XPO7: variants seen among roughly 807,000 people sequenced by gnomAD.
The protein encoded by XPO7 is exportin 7, also known as exportin-7.
XPO7 carries 21 observed loss-of-function variants against 144.3 expected under a neutral mutation model. The observed-to-expected ratio is 0.15, with a 90% confidence interval of 0.10 to 0.21. The LOEUF is 0.21. Ranked by LOEUF, XPO7 falls within the 10% of genes least tolerant of loss-of-function variation. The pLI is 1.00. For synonymous variants in XPO7, 580 were observed against 499.6 expected, an observed-to-expected ratio of 1.16 and a Z score of -2.15; for missense variants, 808 against 1,325.8, an observed-to-expected ratio of 0.61 and a Z score of 6.06.
chr8:21,990,482 T>G, intron 17 of XPO7, 75 bp downstream of exon 17: 1 of 1,537,664 alleles, frequency 6.5e-7, no homozygotes, highest in South Asian at 1.1e-5. Flanking sequence ...AAAGGAGATA[T>G]GTAAACTGAG....
At chr8:21,952,371 T>C (rs895155542) in intron 1 of XPO7, among the ~76,000 whole-genome samples, 1 of 152,098 alleles carries the variant, frequency 6.6e-6, no homozygotes, top group Non-Finnish European at 1.5e-5. Context: ...AGAAAATGTT[T>C]TCAACTGTTG....
chr8:21,982,533 T>C, intron 10 of XPO7, 107 bp from the exon 11 acceptor site: 2 of 1,292,216 alleles, frequency 1.5e-6, no homozygotes, highest in South Asian at 1.6e-5. Flanking sequence ...AAGTCTATCC[T>C]CTTTTTTTAA....
chr8:21,924,903 C>T (rs1190047133), intron 1 of XPO7, among the ~76,000 whole-genome samples: 3 of 152,114 alleles, frequency 2.0e-5, no homozygotes, highest in African/African-American at 7.2e-5. Flanking sequence ...ACCACTTAAG[C>T]ATCTACTAAT....
At chr8:21,987,976 A>T (rs1812637125) in intron 15 of XPO7, 119 bp downstream of exon 15, 1 of 1,099,590 alleles carries the variant, frequency 9.1e-7, no homozygotes, top group South Asian at 1.6e-5. Flanking sequence ...TTTGCGTCAG[A>T]AAATTGTGCA....
intron 1 of XPO7, chr8:21,966,098 A>G (rs1435421033): frequency 1.7e-6 from 1 of 582,044 alleles, no homozygotes; most frequent in East Asian, 2.8e-5. Context: ...ACCAAAGCAC[A>G]CACCCATACC....
At chr8:21,995,693 TAA>T (rs1812924194) in intron 21 of XPO7, 94 bp downstream of exon 21, 1 of 932,410 alleles carries the variant, frequency 1.1e-6, no homozygotes. Flanking sequence ...TGGGAAATAA[TAA>T]GATTCACTAC....
At chr8:21,988,710 AC>A (rs1229088576) in intron 15 of XPO7, 1 of 378,380 alleles carries the variant, frequency 2.6e-6, no homozygotes, top group Non-Finnish European at 4.9e-6. Flanking sequence ...GAAATCTCTT[AC>A]CCTTGCTGCA....
intron 1 of XPO7, among the ~76,000 whole-genome samples, chr8:21,965,170 G>A (rs1468430218): frequency 6.7e-6 from 1 of 148,772 alleles, no homozygotes; most frequent in African/African-American, 2.5e-5. Context: ...GAATCATTTT[G>A]TAGGAGGGGG....
chr8:21,951,741 T>A (rs1449592232), intron 1 of XPO7, among the ~76,000 whole-genome samples: 1 of 152,236 alleles, frequency 6.6e-6, no homozygotes, highest in Non-Finnish European at 1.5e-5. Context: ...GTCTCCCAAC[T>A]ATTGCTAAGG....
intron 20 of XPO7, 92 bp downstream of exon 20, chr8:21,994,543 AG>A: frequency 2.5e-6 from 3 of 1,179,034 alleles, no homozygotes; most frequent in Non-Finnish European, 1.2e-6. Flanking sequence ...GGGGGAAGGG[AG>A]GGTAGTGAGG....
intron 1 of XPO7, among the ~76,000 whole-genome samples, chr8:21,942,430 A>C (rs62492076): frequency 0.089 from 13,546 of 152,256 alleles, 807 homozygotes; most frequent in Non-Finnish European, 0.13. Flanking sequence ...CAAAGCACAA[A>C]ATTTTAGTAA....
At chr8:21,958,830 G>A (rs1015377883) in intron 1 of XPO7, among the ~76,000 whole-genome samples, 3 of 152,000 alleles carry the variant, frequency 2.0e-5, no homozygotes, top group South Asian at 2.1e-4. Context: ...ACATGGTGGC[G>A]CACACCTGTA....
chr8:21,944,470 G>A (rs925503824), intron 1 of XPO7, among the ~76,000 whole-genome samples: 1 of 152,114 alleles, frequency 6.6e-6, no homozygotes, highest in South Asian at 2.1e-4. Flanking sequence ...GGGAGGCTGA[G>A]ACTGGAGAAT....
At chr8:21,944,873 C>T (rs971289540) in intron 1 of XPO7, among the ~76,000 whole-genome samples, 35 of 152,116 alleles carry the variant, frequency 2.3e-4, no homozygotes, top group African/African-American at 8.2e-4. Flanking sequence ...GCCCTTAATC[C>T]ATTTAACCCT....
chr8:21,998,734 C>T (rs1214921176), intron 21 of XPO7, 21 bp from the exon 22 acceptor site: 12 of 1,611,644 alleles, frequency 7.4e-6, no homozygotes, highest in Non-Finnish European at 1.0e-5. Context: ...GACTTTTTCT[C>T]CTCCTGTGCT....
chr8:21,945,534 T>C (rs1028810184), intron 1 of XPO7, among the ~76,000 whole-genome samples: 1 of 152,160 alleles, frequency 6.6e-6, no homozygotes, highest in African/African-American at 2.4e-5. Flanking sequence ...TGAGACAAAA[T>C]AGGCCTTATG....
chr8:21,936,436 A>G (rs893015074), intron 1 of XPO7, among the ~76,000 whole-genome samples: 1 of 152,188 alleles, frequency 6.6e-6, no homozygotes, highest in Admixed American at 6.5e-5. Context: ...TTTGATGCTT[A>G]TTTTCACCAA....
At position 21,982,661 on chromosome 8, in the gene XPO7, A is replaced by T; in HGVS notation, c.1126A>T (p.Ser376Cys). The T allele has an allele frequency of 6.3e-7, 1 of 1,598,120 alleles. No individual in the cohort carries two copies. Among genetic ancestry groups the T allele is most frequent in the Non-Finnish European group, 8.5e-7 (1 of 1,175,144 alleles). ...TTAGCACTGGGAATTTGCTCCAAAT[A>T]GTGTGCACTATCTTCTGAGCCTGTG... Reference protein sequence around the residue: ...SLQHWEFAPNSVHYLLSLWQR... With the variant: ...SLQHWEFAPNCVHYLLSLWQR... The change falls in exon 11 of 28, where the codon AGT becomes TGT. Residue 376 changes from serine (S) to cysteine (C), a missense_variant. Ser to Cys is a moderately radical substitution (Grantham distance 112). This residue lies in a region of XPO7 where 26 missense variants were observed against 85.8 expected (regional missense o/e 0.30). Coordinates refer to ENST00000252512, the MANE Select transcript of XPO7 (RefSeq NM_015024.5).
intron 1 of XPO7, among the ~76,000 whole-genome samples, chr8:21,962,092 A>G (rs1811743772): frequency 6.6e-6 from 1 of 152,338 alleles, no homozygotes; most frequent in Admixed American, 6.5e-5. Flanking sequence ...TACGTAAACA[A>G]GTATTTGGCA....
Sources: allele counts gnomAD v4.1 joint callset (sites outside exome capture counted in the v4.1 genomes callset), GRCh38; gene constraint gnomAD v4.1.1; regional missense constraint gnomAD v4.1.1; transcripts MANE v1.5; gene names NCBI Gene and HGNC (gene_info 2026-07-23, HGNC 2026-07-21).